ZPLD1: variants seen among roughly 807,000 people sequenced by gnomAD.
ZPLD1 encodes the protein zona pellucida-like domain-containing protein 1.
Under a neutral mutation model 47.2 loss-of-function variants are expected in ZPLD1, and 34 were observed. That is an observed-to-expected ratio of 0.72 (90% confidence interval 0.55 to 0.96). The LOEUF (loss-of-function observed/expected upper bound fraction) is 0.96. Ranked by LOEUF, ZPLD1 falls within the 40% of genes least tolerant of loss-of-function variation. The pLI, the probability that ZPLD1 is intolerant of heterozygous loss-of-function variation, is 0.00. For synonymous variants in ZPLD1, 176 were observed against 186.2 expected (o/e 0.95, Z 0.45); for missense variants, 512 against 505.8 (o/e 1.01, Z -0.12).
At chr3:102,446,298 T>C (rs948870148) in intron 3 of ZPLD1, among the ~76,000 whole-genome samples, 1 of 152,208 alleles carries the variant, frequency 6.6e-6, no homozygotes, top group African/African-American at 2.4e-5. Flanking sequence ...ATGATTACAC[T>C]CCATTGGGAA....
chr3:102,440,382 G>A (rs1707157232), intron 3 of ZPLD1, among the ~76,000 whole-genome samples: 1 of 152,146 alleles, frequency 6.6e-6, no homozygotes, highest in African/African-American at 2.4e-5. Context: ...CAGAAATGGA[G>A]AATTGATTTG....
chr3:102,462,946 T>A (rs1707532186), intron 7 of ZPLD1, among the ~76,000 whole-genome samples: 1 of 152,102 alleles, frequency 6.6e-6, no homozygotes, highest in South Asian at 2.1e-4. Context: ...AAATGGCCTG[T>A]TTTGGGTTGC....
chr3:102,400,408 T>A (rs946281059), intron 7 of ZPLD1, among the ~76,000 whole-genome samples: 3 of 152,070 alleles, frequency 2.0e-5, no homozygotes, highest in South Asian at 4.1e-4. Flanking sequence ...AGAGTTGACC[T>A]CCTGCTACGC....
At chr3:102,430,697 G>A (rs541069580), upstream of ZPLD1, among the ~76,000 whole-genome samples, 51 of 152,194 alleles carry the variant, frequency 3.4e-4, no homozygotes, top group Non-Finnish European at 6.6e-4. Flanking sequence ...TTTGAATATC[G>A]GGGAGTGGGT....
At chr3:102,406,252 A>G (rs1229280238) in intron 7 of ZPLD1, among the ~76,000 whole-genome samples, 1 of 151,930 alleles carries the variant, frequency 6.6e-6, no homozygotes, top group African/African-American at 2.4e-5. Context: ...CTTCTTCACT[A>G]TAGAAATAAA....
chr3:102,441,831 C>A (rs1169948418), intron 3 of ZPLD1, among the ~76,000 whole-genome samples: 2 of 152,104 alleles, frequency 1.3e-5, no homozygotes, highest in South Asian at 4.1e-4. Context: ...CCTCACTTTA[C>A]CTGGTAAGTA....
chr3:102,476,173 T>C (rs1181172792), intron 10 of ZPLD1, among the ~76,000 whole-genome samples: 1 of 152,142 alleles, frequency 6.6e-6, no homozygotes, highest in African/African-American at 2.4e-5. Flanking sequence ...ATATTGATTG[T>C]AATAATATTT....
At chr3:102,424,418 C>T (rs1388595940) in intron 8 of ZPLD1, among the ~76,000 whole-genome samples, 1 of 152,172 alleles carries the variant, frequency 6.6e-6, no homozygotes, top group East Asian at 1.9e-4. Flanking sequence ...CAAGCATCCT[C>T]CCAAGACACA....
Position 102,453,013 on chromosome 3 carries a change from T to C in ZPLD1, c.201T>C (p.Asp67=). 6.2e-7 allele frequency: 1 copy of C among 1,614,142 alleles called. No individual in the cohort carries two copies. Among genetic ancestry groups the C allele is most frequent in the South Asian group, 1.1e-5 (1 of 91,088 alleles). The change falls in exon 4 of 12, where the codon GAT becomes GAC. Residue 67 remains aspartate, a synonymous_variant. Coordinates refer to ENST00000466937, the MANE Select transcript of ZPLD1 (RefSeq NM_001329788.2). ...TTTTCTCGGGTTATTCGGAAACAGA[T>C]CTGGCACTGAATGGAAGGCATGGGG... ...TVLFSGYSET[D]LALNGRHGDS...
chr3:102,472,172 A>C (rs975768725), intron 10 of ZPLD1, among the ~76,000 whole-genome samples: 19 of 152,228 alleles, frequency 1.2e-4, no homozygotes, highest in African/African-American at 4.6e-4. Flanking sequence ...AATATATTAA[A>C]TGTGAAATTT....
At chr3:102,415,521 A>G (rs929173647) in intron 7 of ZPLD1, among the ~76,000 whole-genome samples, 4 of 151,896 alleles carry the variant, frequency 2.6e-5, no homozygotes, top group African/African-American at 7.2e-5. Flanking sequence ...TACAAACTTC[A>G]TGAAGCATAG....
chr3:102,440,032 G>A (rs1001443283), intron 3 of ZPLD1, among the ~76,000 whole-genome samples: 1 of 152,190 alleles, frequency 6.6e-6, no homozygotes, highest in Non-Finnish European at 1.5e-5. Flanking sequence ...AGGTGTCATT[G>A]AACAGGCTCC....
At chr3:102,425,518 A>G (rs895077776) in intron 8 of ZPLD1, among the ~76,000 whole-genome samples, 1 of 152,106 alleles carries the variant, frequency 6.6e-6, no homozygotes, top group African/African-American at 2.4e-5. Context: ...GCCTCACTAA[A>G]GCAACTTTTC....
chr3:102,387,945 C>T (rs541825078), intron 6 of ZPLD1, among the ~76,000 whole-genome samples: 2 of 148,298 alleles, frequency 1.3e-5, no homozygotes, highest in African/African-American at 5.0e-5. Context: ...ACTGCAAGCT[C>T]CGCCTCCTGG....
chr3:102,432,549 A>G (rs1483116659), upstream of ZPLD1, among the ~76,000 whole-genome samples: 1 of 152,224 alleles, frequency 6.6e-6, no homozygotes, highest in Non-Finnish European at 1.5e-5. Context: ...AAAGTTTGAT[A>G]AATTGTTGAG....
rs909859674 is a variant in ZPLD1, at chr3:102,462,398, T to G, written c.680+20T>G. 3.2e-6 allele frequency: 5 copies of G among 1,548,660 alleles called. No homozygotes were observed. In the African/African-American group the frequency reaches 6.9e-5, roughly 21 times the overall value. ...TGGCAGGTAATTTCAAACTCTTGTC[T>G]TTTTTAGGTTAAAACTCTTTGACTG... is the stretch of plus-strand genomic sequence containing the variant. On this transcript the variant is annotated intron_variant, in intron 7 of 11. Coordinates refer to ENST00000466937, the MANE Select transcript of ZPLD1 (RefSeq NM_001329788.2).
intron 8 of ZPLD1, among the ~76,000 whole-genome samples, chr3:102,420,910 A>T (rs1414867722): frequency 1.3e-5 from 2 of 151,986 alleles, no homozygotes; most frequent in African/African-American, 4.8e-5. Flanking sequence ...CTAATATAAT[A>T]ATTTTGTTAT....
upstream of ZPLD1, among the ~76,000 whole-genome samples, chr3:102,430,609 G>A (rs1482002512): frequency 6.6e-6 from 1 of 152,130 alleles, no homozygotes; most frequent in Admixed American, 6.5e-5. Flanking sequence ...AAAAAGAGCT[G>A]TTTTATTCTT....
rs1468042094 is a variant in ZPLD1, at chr3:102,468,141, G to A, written c.762-823G>A. On this transcript the variant is annotated intron_variant, in intron 8 of 11. Transcript: ENST00000466937. ...GATAGTTCATTTTTACTCTCAAATA[G>A]GGAATAATAAAAAATTTGATCCATA... 2.0e-5 allele frequency among the ~76,000 whole-genome samples: 3 copies of A among 151,986 alleles called. No homozygotes were observed. The East Asian group carries it at 5.8e-4, about 29-fold the overall frequency.
Sources: allele counts gnomAD v4.1 joint callset (sites outside exome capture counted in the v4.1 genomes callset), GRCh38; gene constraint gnomAD v4.1.1; transcripts MANE v1.5; gene names NCBI Gene and HGNC (gene_info 2026-07-23, HGNC 2026-07-21).